Variants in COL15A1 observed in about 807,000 individuals in gnomAD.
COL15A1 encodes collagen type XV alpha 1 chain.
Under a neutral mutation model 165.9 loss-of-function variants are expected in COL15A1, and 111 were observed. The observed-to-expected ratio is 0.67, with a 90% CI of 0.57 to 0.78. The LOEUF is 0.78. COL15A1 is among the 30% of genes least tolerant of loss of function. The probability of loss-of-function intolerance (pLI) is 0.00; values close to 1 mark genes in which losing one functional copy is unlikely to be tolerated. For synonymous variants in COL15A1, 659 were observed against 674.8 expected, an observed-to-expected ratio of 0.98 and a Z score of 0.36; for missense variants, 1,745 against 1,789.7, an observed-to-expected ratio of 0.98 and a Z score of 0.45.
chr9:98,967,490 C>T (rs1362198706), intron 2 of COL15A1, among the ~76,000 whole-genome samples: 1 of 152,234 alleles, frequency 6.6e-6, no homozygotes, highest in Admixed American at 6.5e-5. Flanking sequence ...TCTTCCCCCA[C>T]AGCTGGGGCC....
intron 5 of COL15A1, among the ~76,000 whole-genome samples, chr9:98,993,229 G>A (rs139589134): frequency 6.6e-6 from 1 of 152,344 alleles, no homozygotes; most frequent in African/African-American, 2.4e-5. Flanking sequence ...GACAGTGCCT[G>A]TTGTTGCTAC....
At position 99,025,008 on chromosome 9, in the gene COL15A1, C is replaced by A. The variant is rs1238167472; in HGVS notation, c.1980+9C>A. The A allele has an allele frequency of 1.9e-6, 3 of 1,611,936 alleles. No homozygotes were observed. The highest frequency in any genetic ancestry group is 3.3e-5 in the Admixed American group (2 of 59,728). On this transcript the variant is annotated intron_variant, in intron 15 of 41. Coordinates refer to ENST00000375001, the MANE Select transcript of COL15A1 (RefSeq NM_001855.5). ...GTGAACCTGGGCCCCCGGTGAGCAA[C>A]TGAAGTCTTCTCCCCATCTCTGTGG...
chr9:99,038,517 G>A (rs1340894188), intron 21 of COL15A1, 151 bp from the exon 22 acceptor site: 3 of 567,230 alleles, frequency 5.3e-6, no homozygotes, highest in East Asian at 5.4e-5. Flanking sequence ...AGAAGGGGGA[G>A]GGAGAGCTGT....
At chr9:98,981,791 T>C (rs1838239135) in intron 2 of COL15A1, among the ~76,000 whole-genome samples, 2 of 152,140 alleles carry the variant, frequency 1.3e-5, no homozygotes, top group Admixed American at 1.3e-4. Flanking sequence ...GGGCACATAC[T>C]TGTTCCTCAT....
At chr9:99,001,510 A>G (rs1189340409) in intron 7 of COL15A1, among the ~76,000 whole-genome samples, 1 of 152,182 alleles carries the variant, frequency 6.6e-6, no homozygotes, top group Non-Finnish European at 1.5e-5. Context: ...CTCAGTCACT[A>G]TCTGGTAACA....
chr9:99,053,004 G>A (rs189486901), intron 31 of COL15A1, among the ~76,000 whole-genome samples: 62 of 152,248 alleles, frequency 4.1e-4, no homozygotes, highest in African/African-American at 1.3e-3. Flanking sequence ...ACCATCTCCC[G>A]GGTGAGGTGA....
chr9:99,012,601 A>G (rs1370409636), intron 9 of COL15A1, among the ~76,000 whole-genome samples: 2 of 152,106 alleles, frequency 1.3e-5, no homozygotes. Context: ...TGTTCATTTT[A>G]CAAAAATACT....
At chr9:98,953,524 C>A (rs767967569) in intron 2 of COL15A1, among the ~76,000 whole-genome samples, 3 of 152,252 alleles carry the variant, frequency 2.0e-5, no homozygotes, top group Middle Eastern at 3.4e-3. Flanking sequence ...CAACCCAACC[C>A]AACCTAATCC....
At chr9:99,067,671 C>T (rs146078734) in intron 40 of COL15A1, among the ~76,000 whole-genome samples, 1 of 152,228 alleles carries the variant, frequency 6.6e-6, no homozygotes, top group African/African-American at 2.4e-5. Context: ...CTTCAAGACC[C>T]TTTAGTCTCT....
chr9:98,980,437 G>A (rs1838218705), intron 2 of COL15A1, among the ~76,000 whole-genome samples: 1 of 152,246 alleles, frequency 6.6e-6, no homozygotes, highest in South Asian at 2.1e-4. Flanking sequence ...GTCATTCAGT[G>A]AAAATAACTG....
At chr9:99,042,794 G>C (rs139657614) in intron 24 of COL15A1, among the ~76,000 whole-genome samples, 23 of 152,300 alleles carry the variant, frequency 1.5e-4, no homozygotes, top group African/African-American at 5.3e-4. Context: ...ACCTATTGTT[G>C]TGCTTGTATT....
chr9:99,015,289 CA>C, intron 9 of COL15A1, 127 bp from the exon 10 acceptor site: 1 of 689,390 alleles, frequency 1.5e-6, no homozygotes, highest in Non-Finnish European at 2.6e-6. Flanking sequence ...CCTGGAGGAG[CA>C]AAGGAAAGGG....
At chr9:98,959,987 G>T (rs1453711284) in intron 2 of COL15A1, among the ~76,000 whole-genome samples, 1 of 152,144 alleles carries the variant, frequency 6.6e-6, no homozygotes, top group Non-Finnish European at 1.5e-5. Flanking sequence ...CCTTCTCCAA[G>T]CCTTTGCTTG....
rs1839267825 is a variant in COL15A1 at position 99,034,703 on chromosome 9, A to G, written c.2079+119A>G. ...ATTGAACATATAAATGTCATGGAAC[A>G]GAGAGGAACACATCTCAAAGGAATT... On this transcript the variant is annotated intron_variant, in intron 17 of 41. Transcript: ENST00000375001. 8 of 1,441,814 alleles carry G rather than the reference A, an allele frequency of 5.5e-6. No individual in the cohort carries two copies. In the African/African-American group the frequency reaches 7.2e-5, roughly 13 times the overall value. 89.3% of individuals were successfully genotyped at this position (1,441,814 alleles called of 1,614,324 possible).
At chr9:98,998,754 G>A (rs1205139641) in intron 6 of COL15A1, among the ~76,000 whole-genome samples, 1 of 152,204 alleles carries the variant, frequency 6.6e-6, no homozygotes, top group African/African-American at 2.4e-5. Flanking sequence ...GGTCCACGTG[G>A]GGACTGGGCT....
intron 2 of COL15A1, among the ~76,000 whole-genome samples, chr9:98,983,724 T>A (rs1403321442): frequency 6.6e-6 from 1 of 152,212 alleles, no homozygotes; most frequent in African/African-American, 2.4e-5. Context: ...GAATAGCGAA[T>A]GTTTGTTGCA....
intron 2 of COL15A1, among the ~76,000 whole-genome samples, chr9:98,959,463 T>C (rs893912540): frequency 1.3e-5 from 2 of 152,100 alleles, no homozygotes; most frequent in Admixed American, 6.5e-5. Flanking sequence ...TGACAGGAGC[T>C]GAGCACAGAC....
At chr9:99,058,315 G>T (rs1168306262) in intron 35 of COL15A1, among the ~76,000 whole-genome samples, 1 of 152,222 alleles carries the variant, frequency 6.6e-6, no homozygotes, top group Non-Finnish European at 1.5e-5. Context: ...ATGACCAGGA[G>T]GTCGGATCAC....
Position 99,067,111 on chromosome 9 carries a change from C to A in COL15A1, c.3837+44C>A. The stretch of plus-strand genomic sequence containing the variant: ...CCCATTGCCTTCTGCATGCATTGGT[C>A]GCTACAGGGCCTGGAGGCAGTTTTC... On this transcript the variant is annotated intron_variant, in intron 40 of 41. Coordinates refer to ENST00000375001, the MANE Select transcript of COL15A1 (RefSeq NM_001855.5). The A allele has an allele frequency of 3.3e-6, 5 of 1,529,808 alleles. No homozygotes were observed. The South Asian group carries it at 3.6e-5, about 11-fold the overall frequency. 94.8% of individuals were successfully genotyped at this position (1,529,808 alleles called of 1,614,324 possible). A position where few individuals can be genotyped will look rare whatever the true frequency, so the allele number is the denominator to read the frequency against.
Sources: allele counts gnomAD v4.1 joint callset (sites outside exome capture counted in the v4.1 genomes callset), GRCh38; gene constraint gnomAD v4.1.1; transcripts MANE v1.5; gene names NCBI Gene and HGNC (gene_info 2026-07-23, HGNC 2026-07-21).